The following EVC variants were observed in gnomAD, a reference collection of about 807,000 sequenced individuals.
EVC encodes the protein EvC ciliary complex subunit 1.
Under a neutral mutation model 118.9 loss-of-function variants are expected in EVC, and 116 were observed. That is an observed-to-expected ratio of 0.98 (90% CI 0.84 to 1.14). EVC has a LOEUF of 1.14. Among genes scored for constraint, EVC ranks in the 50% most tolerant of loss-of-function variants. The pLI, the probability that EVC is intolerant of heterozygous loss-of-function variation, is 0.00. For missense variants in EVC, 1,401 were observed against 1,246.4 expected, an observed-to-expected ratio of 1.12 and a Z score of -1.87; for synonymous variants, 619 against 534.7, an observed-to-expected ratio of 1.16 and a Z score of -2.18.
At chr4:5,716,422 G>T (rs1326594164) in intron 1 of EVC, among the ~76,000 whole-genome samples, 1 of 152,156 alleles carries the variant, frequency 6.6e-6, no homozygotes, top group Non-Finnish European at 1.5e-5. Flanking sequence ...TAAAATGTAG[G>T]TTCGGCAGAA....
At chr4:5,825,145 C>CTA in the EVC span, 1 of 985,390 alleles carries the variant, frequency 1.0e-6, no homozygotes, top group Non-Finnish European at 1.2e-6. The surrounding 1 kb of genome is among the most constrained non-coding windows in gnomAD (Gnocchi z 4.4). Flanking sequence ...GGCAGCTACT[C>CTA]CCATCTCTTG....
chr4:5,733,823 A>G lies in EVC; in HGVS notation c.702+388A>G, dbSNP rs1727241080. Among the ~76,000 whole-genome samples, 4 of 152,242 alleles carry G rather than the reference A, an allele frequency of 2.6e-5. No homozygotes were observed. The South Asian group carries it at 6.2e-4, about 24-fold the overall frequency. On this transcript the variant is annotated intron_variant, in intron 5 of 20. Coordinates refer to ENST00000264956, the MANE Select transcript of EVC (RefSeq NM_153717.3). ...TGAGTCTTGCTATGTACGAGGTCCC[A>G]GGAGTATTACACTTAAACCTCAGCA...
At position 5,741,774 on chromosome 4, in the gene EVC, A is replaced by G. The variant is rs1286224731; in HGVS notation, c.761A>G (p.Asp254Gly). 1.3e-6 allele frequency: 2 copies of G among 1,564,228 alleles called. No individual in the cohort carries two copies. The highest frequency in any genetic ancestry group is 1.3e-5 in the African/African-American group (1 of 74,188). The part of the protein sequence containing the change: ...LLDLLPKKKS[D>G]DELYQKILSK... ...GACCTTCTTCCTAAAAAGAAGTCAG[A>G]TGATGAACTATACCAGAAGATCCTT... is the stretch of plus-strand genomic sequence containing the variant. Residue 254 changes from aspartate (D) to glycine (G), a missense_variant, in exon 6 of 21, where the codon GAT (aspartate) becomes GGT (glycine). Transcript: ENST00000264956.
chr4:5,742,669 A>T lies in EVC; in HGVS notation c.801+855A>T, dbSNP rs763424633. Among the ~76,000 whole-genome samples, 4 of 152,086 alleles carry T rather than the reference A, an allele frequency of 2.6e-5. No homozygotes were observed. Among genetic ancestry groups the T allele is most frequent in the African/African-American group, 4.8e-5 (2 of 41,402 alleles). Reference sequence around the variant, plus strand: ...TACCATCATCATGAGCATCATTTTTATCATTGTTGTAATTATTGGCATTCT... The same window carrying T: ...TACCATCATCATGAGCATCATTTTTTTCATTGTTGTAATTATTGGCATTCT... On this transcript the variant is annotated intron_variant, in intron 6 of 20. Coordinates refer to ENST00000264956, the MANE Select transcript of EVC (RefSeq NM_153717.3). This position sits in a 1 kb window ranked among gnomAD's most constrained non-coding sequence, Gnocchi z 5.2.
chr4:5,747,437 AG>A (rs748651062), intron 7 of EVC, among the ~76,000 whole-genome samples: 1 of 152,180 alleles, frequency 6.6e-6, no homozygotes, highest in East Asian at 1.9e-4. Flanking sequence ...AACTCCCCCG[AG>A]CCTGTTCCTA....
chr4:5,826,744 C>T, the EVC span: 1 of 152,512 alleles, frequency 6.6e-6, no homozygotes, highest in South Asian at 2.1e-4. Context: ...CACGGGGCTT[C>T]ATCCTCCATA....
the EVC span, chr4:5,824,569 C>T: frequency 1.0e-6 from 1 of 975,396 alleles, no homozygotes; most frequent in Admixed American, 6.2e-5. Flanking sequence ...CAAACGGGTC[C>T]ATTGACCAAA....
intron 11 of EVC, among the ~76,000 whole-genome samples, chr4:5,771,044 A>G (rs1472302712): frequency 6.6e-6 from 1 of 152,058 alleles, no homozygotes; most frequent in South Asian, 2.1e-4. Flanking sequence ...ACATCAATGC[A>G]TCAGCTAAAC....
chr4:5,828,475 G>A, the EVC span: 1 of 1,611,590 alleles, frequency 6.2e-7, no homozygotes, highest in East Asian at 2.2e-5. Context: ...CCGCTCCCCT[G>A]CAGACACACT....
In EVC at chr4:5,798,869, T is replaced by A; in HGVS notation, c.2304+77T>A. 1 of 1,445,258 alleles carries A rather than the reference T, an allele frequency of 6.9e-7. No homozygotes were observed. Among genetic ancestry groups the A allele is most frequent in the South Asian group, 1.2e-5 (1 of 82,096 alleles). 89.5% of individuals were successfully genotyped at this position (1,445,258 alleles called of 1,614,324 possible). A position where few individuals can be genotyped will look rare whatever the true frequency, so the allele number is the denominator to read the frequency against. ...TAGGGTCCATGCCTGGGTCTGCTCC[T>A]TGCCACACCGTTCATGGAGCTTGTG... On this transcript the variant is annotated intron_variant, in intron 15 of 20. Coordinates refer to ENST00000264956, the MANE Select transcript of EVC (RefSeq NM_153717.3). This position sits in a 1 kb window ranked among gnomAD's most constrained non-coding sequence, Gnocchi z 4.1.
At chr4:5,714,684 A>C (rs1292686214) in intron 1 of EVC, among the ~76,000 whole-genome samples, 4 of 152,142 alleles carry the variant, frequency 2.6e-5, no homozygotes, top group Non-Finnish European at 5.9e-5. Flanking sequence ...CCATTATTAC[A>C]ATTCTACAAA....
In EVC at chr4:5,745,304, AGAAGGAG is replaced by A; in HGVS notation, c.903_909del (p.Lys302GlufsTer7). The A allele has an allele frequency of 8.7e-6, 14 of 1,614,044 alleles. No homozygotes were observed. Among genetic ancestry groups the A allele is most frequent in the Non-Finnish European group, 1.2e-5 (14 of 1,179,928 alleles). On this transcript the variant is annotated frameshift_variant, in exon 7 of 21. Coordinates refer to ENST00000264956, the MANE Select transcript of EVC (RefSeq NM_153717.3). LOFTEE classifies it high-confidence loss of function. Reference sequence around the variant, plus strand: ...TACATCACCCTGGCTGATGTGGAAAAGAAGGAGAGAGAATACTCTGAACAGCTAATCG... The same window carrying A: ...TACATCACCCTGGCTGATGTGGAAAAAGAGAATACTCTGAACAGCTAATCG...
chr4:5,747,632 G>A (rs1419773008), intron 7 of EVC, among the ~76,000 whole-genome samples: 2 of 152,178 alleles, frequency 1.3e-5, no homozygotes, highest in Admixed American at 1.3e-4. Context: ...TCCCAGCTCT[G>A]CTCCTGATAA....
rs1474715768 is a variant in EVC, at chr4:5,746,751, G to T, written c.940-1397G>T. Among the ~76,000 whole-genome samples the T allele has an allele frequency of 6.6e-6, 1 of 152,138 alleles. No individual in the cohort carries two copies. Among genetic ancestry groups the T allele is most frequent in the East Asian group, 1.9e-4 (1 of 5,178 alleles). On this transcript the variant is annotated intron_variant, in intron 7 of 20. Transcript: ENST00000264956. This position sits in a 1 kb window ranked among gnomAD's most constrained non-coding sequence, Gnocchi z 5.8. ...TGACCTCCAAAAATGGTGACCTCTG[G>T]CCTAGAAATGGTGTGTAAAATGGGA...
rs1730920538 is a variant in EVC at position 5,754,836 on chromosome 4, A to G, written c.1464+903A>G. On this transcript the variant is annotated intron_variant, in intron 10 of 20. Transcript: ENST00000264956. This position sits in a 1 kb window ranked among gnomAD's most constrained non-coding sequence, Gnocchi z 5.8. ...GTGAGACCAAGGAAGGGGCAGCCCC[A>G]GCCTCACTGTTTGCCTGGGTCCGCC... Among the ~76,000 whole-genome samples, 1 of 152,124 alleles carries G rather than the reference A, an allele frequency of 6.6e-6. No individual in the cohort carries two copies. The highest frequency in any genetic ancestry group is 2.4e-5 in the African/African-American group (1 of 41,442).
chr4:5,742,951 A>G lies in EVC; in HGVS notation c.801+1137A>G, dbSNP rs1728830719. Among the ~76,000 whole-genome samples, 1 of 152,236 alleles carries G rather than the reference A, an allele frequency of 6.6e-6. No homozygotes were observed. The highest frequency in any genetic ancestry group is 1.5e-5 in the Non-Finnish European group (1 of 68,038). ...GCAGTGTGCCCAGAGTTGGTAACATATGGATGCTTGGCAACTGTATTTATA... is the reference window on the plus strand; with the variant it reads ...GCAGTGTGCCCAGAGTTGGTAACATGTGGATGCTTGGCAACTGTATTTATA... On this transcript the variant is annotated intron_variant, in intron 6 of 20. Coordinates refer to ENST00000264956, the MANE Select transcript of EVC (RefSeq NM_153717.3). This position sits in a 1 kb window ranked among gnomAD's most constrained non-coding sequence, Gnocchi z 5.2.
rs1728795082 is a variant in EVC at position 5,742,707 on chromosome 4, C to G, written c.801+893C>G. 1.3e-5 allele frequency among the ~76,000 whole-genome samples: 2 copies of G among 152,150 alleles called. No individual in the cohort carries two copies. ...TTATTGGCATTCTCATTACTACCAT[C>G]ACCGCCATCATCATCTTCATTACCA... is the stretch of plus-strand genomic sequence containing the variant. On this transcript the variant is annotated intron_variant, in intron 6 of 20. Coordinates refer to ENST00000264956, the MANE Select transcript of EVC (RefSeq NM_153717.3). The surrounding 1 kb of genome is among the most constrained non-coding windows in gnomAD (Gnocchi z 5.2).
At chr4:5,713,935 A>G (rs1367839508) in intron 1 of EVC, among the ~76,000 whole-genome samples, 1 of 152,200 alleles carries the variant, frequency 6.6e-6, no homozygotes, top group Non-Finnish European at 1.5e-5. Context: ...GATAATGCCC[A>G]GTTTTCTAGC....
intron 6 of EVC, among the ~76,000 whole-genome samples, chr4:5,744,617 A>G (rs1729079015): frequency 6.6e-6 from 1 of 152,180 alleles, no homozygotes; most frequent in South Asian, 2.1e-4. Flanking sequence ...ACTGAATCCC[A>G]GAATTCACTC....
Sources: gnomAD v4.1 joint callset for allele counts (sites outside exome capture counted in the v4.1 genomes callset) on GRCh38, gnomAD v4.1.1 for gene constraint, Gnocchi (gnomAD v3.1) non-coding constraint, MANE v1.5 for transcripts, NCBI Gene and HGNC (gene_info 2026-07-23, HGNC 2026-07-21) for gene names.